The following LDLRAD3 variants were observed in gnomAD, a reference collection of about 807,000 sequenced individuals.
LDLRAD3 encodes the protein low-density lipoprotein receptor class A domain-containing protein 3.
Under a neutral mutation model 29.4 loss-of-function variants are expected in LDLRAD3, and 20 were observed. The observed-to-expected ratio is 0.68, with a 90% confidence interval of 0.48 to 0.99. The LOEUF is 0.99. Ranked by LOEUF, LDLRAD3 falls within the 50% of genes least tolerant of loss-of-function variation. The pLI is 0.00. For synonymous variants in LDLRAD3, 157 were observed against 192.7 expected (o/e 0.81, Z 1.53); for missense variants, 420 against 454.3 (o/e 0.92, Z 0.69).
chr11:35,968,501 G>T, intron 1 of LDLRAD3: 1 of 355,356 alleles, frequency 2.8e-6, no homozygotes, highest in Non-Finnish European at 5.6e-6. Flanking sequence ...TTTTTCCCGA[G>T]GTGTGTTGAG....
At chr11:36,133,691 G>A (rs1336715686) in intron 4 of LDLRAD3, among the ~76,000 whole-genome samples, 4 of 151,084 alleles carry the variant, frequency 2.6e-5, no homozygotes, top group Admixed American at 1.3e-4. Context: ...CTGCCACCAC[G>A]CCTGGCTAAT....
intron 2 of LDLRAD3, among the ~76,000 whole-genome samples, chr11:36,053,781 C>A (rs909871684): frequency 6.6e-5 from 10 of 152,122 alleles, no homozygotes; most frequent in African/African-American, 2.2e-4. Context: ...GGCCATGCAC[C>A]ATTAGGAGAT....
rs964679610 is a variant in LDLRAD3, at chr11:36,068,515, A to G, written c.194-13138A>G. 3.9e-5 allele frequency among the ~76,000 whole-genome samples: 6 copies of G among 151,994 alleles called. No individual in the cohort carries two copies. In the East Asian group the frequency reaches 5.8e-4, roughly 15 times the overall value. On this transcript the variant is annotated intron_variant, in intron 2 of 5. Transcript: ENST00000315571. The stretch of plus-strand genomic sequence containing the variant: ...TGGTGGAACTGAGGTGGAAACCTGG[A>G]TGCTTCTTTTCTTTTCTTTTTGACA...
chr11:36,180,418 A>C (rs917625917), intron 4 of LDLRAD3, among the ~76,000 whole-genome samples: 1 of 152,164 alleles, frequency 6.6e-6, no homozygotes, highest in African/African-American at 2.4e-5. Flanking sequence ...AATGAGCCCA[A>C]ATCCCTGTCT....
intron 1 of LDLRAD3, among the ~76,000 whole-genome samples, chr11:36,015,076 C>T (rs1035298121): frequency 3.9e-5 from 6 of 152,156 alleles, no homozygotes; most frequent in South Asian, 2.1e-4. Context: ...GGAACTGAAG[C>T]GACAGCAGCC....
At chr11:36,035,507 C>G (rs1174102841) in intron 1 of LDLRAD3, among the ~76,000 whole-genome samples, 2 of 152,276 alleles carry the variant, frequency 1.3e-5, no homozygotes, top group East Asian at 1.9e-4. Flanking sequence ...ATTCCATGAC[C>G]TTGGGACCCT....
intron 1 of LDLRAD3, among the ~76,000 whole-genome samples, chr11:35,978,364 C>A (rs1463384846): frequency 1.3e-5 from 2 of 152,226 alleles, no homozygotes; most frequent in South Asian, 2.1e-4. Context: ...CTCCCTTCAG[C>A]CTTCGTGCAG....
chr11:36,126,051 G>T (rs897747620), intron 4 of LDLRAD3, among the ~76,000 whole-genome samples: 2 of 152,160 alleles, frequency 1.3e-5, no homozygotes, highest in African/African-American at 4.8e-5. Flanking sequence ...CGCCTGCGAT[G>T]CTCCTCCCCA....
chr11:35,951,803 A>G (rs1851138766), intron 1 of LDLRAD3, among the ~76,000 whole-genome samples: 1 of 152,234 alleles, frequency 6.6e-6, no homozygotes, highest in East Asian at 1.9e-4. Context: ...AGCCATGCAC[A>G]TAACTGGAGG....
chr11:36,209,353 C>CTTTTTTTTTTTTTTTTTTTTTTTTTTT (rs71044560), intron 4 of LDLRAD3, among the ~76,000 whole-genome samples: 1 of 68,604 alleles, frequency 1.5e-5, no homozygotes. Flanking sequence ...AGAAACTGTA[C>CTTTTTTTTTTTTTTTTTTTTTTTTTTT]TTTTTTTTTT....
chr11:35,974,501 T>C (rs1851453059), intron 1 of LDLRAD3, among the ~76,000 whole-genome samples: 1 of 152,370 alleles, frequency 6.6e-6, no homozygotes, highest in Non-Finnish European at 1.5e-5. Flanking sequence ...CTGGGCTCTC[T>C]GAAAGCCTGA....
chr11:35,979,547 T>C (rs1160387110), intron 1 of LDLRAD3, among the ~76,000 whole-genome samples: 2 of 152,100 alleles, frequency 1.3e-5, no homozygotes, highest in Admixed American at 1.3e-4. Flanking sequence ...CTATACAGGG[T>C]AGTGTGAGGA....
intron 1 of LDLRAD3, among the ~76,000 whole-genome samples, chr11:36,023,117 G>C (rs1270321209): frequency 6.6e-6 from 1 of 152,178 alleles, no homozygotes; most frequent in East Asian, 1.9e-4. Context: ...AATTTAAAAA[G>C]ACTCACTGGT....
In LDLRAD3 at chr11:36,098,473, T is replaced by A. The variant is rs7122283; in HGVS notation, c.454+12T>A. 6.2e-7 allele frequency: 1 copy of A among 1,614,076 alleles called. No individual in the cohort carries two copies. Among genetic ancestry groups the A allele is most frequent in the Admixed American group, 1.7e-5 (1 of 60,024 alleles). On this transcript the variant is annotated intron_variant, in intron 4 of 5. Coordinates refer to ENST00000315571, the MANE Select transcript of LDLRAD3 (RefSeq NM_174902.4). Reference sequence around the variant, plus strand: ...TGAAAGTTCTCAAGGTAGGAACCTCTCAAGCTCTAAAAAGATAATTGCAAC... The same window carrying A: ...TGAAAGTTCTCAAGGTAGGAACCTCACAAGCTCTAAAAAGATAATTGCAAC...
intron 4 of LDLRAD3, among the ~76,000 whole-genome samples, chr11:36,100,452 A>T (rs1026042109): frequency 6.6e-6 from 1 of 151,972 alleles, no homozygotes; most frequent in Admixed American, 6.6e-5. Flanking sequence ...TTTTGGGGGG[A>T]TGGCATGGAC....
chr11:35,958,892 G>T (rs1482457468), intron 1 of LDLRAD3, among the ~76,000 whole-genome samples: 1 of 152,090 alleles, frequency 6.6e-6, no homozygotes, highest in Non-Finnish European at 1.5e-5. Flanking sequence ...GTGTGCAGAC[G>T]TGCGCTGCTC....
intron 2 of LDLRAD3, among the ~76,000 whole-genome samples, chr11:36,042,851 C>T (rs562910531): frequency 2.2e-4 from 34 of 152,248 alleles, no homozygotes; most frequent in African/African-American, 7.9e-4. Context: ...TCCATCACAG[C>T]CCCCAGAGGG....
intron 4 of LDLRAD3, among the ~76,000 whole-genome samples, chr11:36,192,780 C>T (rs922458303): frequency 6.6e-6 from 1 of 152,130 alleles, no homozygotes; most frequent in African/African-American, 2.4e-5. Flanking sequence ...GATGGAGACT[C>T]CTTTCCTGAG....
chr11:36,136,172 A>AG (rs1854001095), intron 4 of LDLRAD3, among the ~76,000 whole-genome samples: 1 of 152,156 alleles, frequency 6.6e-6, no homozygotes, highest in African/African-American at 2.4e-5. Flanking sequence ...TGTGTGCTGC[A>AG]GGGGGCATGC....
Sources: gnomAD v4.1 joint callset for allele counts (sites outside exome capture counted in the v4.1 genomes callset) on GRCh38, gnomAD v4.1.1 for gene constraint, MANE v1.5 for transcripts, NCBI Gene and HGNC (gene_info 2026-07-23, HGNC 2026-07-21) for gene names.